The following GPR75 variants were observed in gnomAD, a reference collection of about 807,000 sequenced individuals.
GPR75 encodes the protein probable G protein-coupled receptor 75.
Under a neutral mutation model 26.0 loss-of-function variants are expected in GPR75, and 27 were observed. That is an observed-to-expected ratio of 1.04 (90% CI 0.77 to 1.43). The LOEUF is 1.43. GPR75 is among the 40% of genes most tolerant of loss of function. GPR75 has a pLI of 0.00. For synonymous variants in GPR75, 285 were observed against 256.3 expected, an observed-to-expected ratio of 1.11 and a Z score of -1.07; for missense variants, 699 against 662.3, an observed-to-expected ratio of 1.06 and a Z score of -0.61.
rs750224712 is a variant in GPR75 at position 53,853,157 on chromosome 2, G to T, written c.1600C>A (p.Gln534Lys). Residue 534 changes from glutamine to lysine, a missense_variant, in exon 2 of 2, where the codon CAG (glutamine) becomes AAG (lysine). Physicochemically the swap from Gln to Lys is moderately conservative, Grantham distance 53. Coordinates refer to ENST00000394705, the MANE Select transcript of GPR75 (RefSeq NM_006794.4). ...CTTTAAACGGAGGGGACTGGAATCTGCTTGGCTGAAGTGCTGTCATATTCC... is the reference window on the plus strand; with the variant it reads ...CTTTAAACGGAGGGGACTGGAATCTTCTTGGCTGAAGTGCTGTCATATTCC... ...VQEYDSTSAK[Q>K]IPVPSV The T allele has an allele frequency of 3.7e-6, 6 of 1,613,382 alleles. No homozygotes were observed. The highest frequency in any genetic ancestry group is 1.3e-5 in the African/African-American group (1 of 74,914).
At chr2:53,858,142 C>G (rs1045170103) in intron 1 of GPR75, among the ~76,000 whole-genome samples, 2 of 152,112 alleles carry the variant, frequency 1.3e-5, no homozygotes, top group African/African-American at 4.8e-5. Context: ...TAAGCAGTTG[C>G]TCTTCCACAC....
rs1330050081 is a variant in GPR75, at chr2:53,853,239, A to G, written c.1518T>C (p.Phe506=). ...SPCNLQPVNS[F]GFANSYIAMH... Reference sequence around the variant, plus strand: ...TGGCAATATATGAATTGGCAAATCCAAAAGAGTTTACTGGCTGTAAGTTAC... The same window carrying G: ...TGGCAATATATGAATTGGCAAATCCGAAAGAGTTTACTGGCTGTAAGTTAC... The change falls in exon 2 of 2, where the codon TTT becomes TTC. Residue 506 remains phenylalanine (F), a synonymous_variant. Transcript: ENST00000394705. The G allele has an allele frequency of 6.2e-7, 1 of 1,614,012 alleles. No individual in the cohort carries two copies. Among genetic ancestry groups the G allele is most frequent in the Non-Finnish European group, 8.5e-7 (1 of 1,179,984 alleles).
At position 53,854,412 on chromosome 2, in the gene GPR75, A is replaced by G; in HGVS notation, c.345T>C (p.Asp115=). The G allele has an allele frequency of 6.2e-7, 1 of 1,614,160 alleles. No individual in the cohort carries two copies. The highest frequency in any genetic ancestry group is 8.5e-7 in the Non-Finnish European group (1 of 1,179,998). The part of the protein sequence containing the change: ...LFFSSASSIP[D]AFCFTFHLTS... ...TGAGATGGAAAGTGAAGCAGAAAGC[A>G]TCCGGGATACTACTGGCTGAGCTGA... Residue 115 remains aspartate, a synonymous_variant, in exon 2 of 2, where the codon GAT becomes GAC. Transcript: ENST00000394705.
chr2:53,852,960 A>G lies in GPR75; in HGVS notation c.*174T>C, dbSNP rs777197769. On this transcript the variant is annotated 3_prime_UTR_variant, in exon 2 of 2. Coordinates refer to ENST00000394705, the MANE Select transcript of GPR75 (RefSeq NM_006794.4). Reference sequence around the variant, plus strand: ...TCACATCAAATCTTAAGATGTCAACAAACTACAAAGCAAATCAACAGATAC... The same window carrying G: ...TCACATCAAATCTTAAGATGTCAACGAACTACAAAGCAAATCAACAGATAC... 3.4e-5 allele frequency: 19 copies of G among 559,298 alleles called. No individual in the cohort carries two copies. Among genetic ancestry groups the G allele is most frequent in the Non-Finnish European group, 5.3e-5 (17 of 319,284 alleles). 34.6% of individuals were successfully genotyped at this position (559,298 alleles called of 1,614,324 possible). A position where few individuals can be genotyped will look rare whatever the true frequency, so the allele number is the denominator to read the frequency against.
intron 1 of GPR75, among the ~76,000 whole-genome samples, chr2:53,858,032 A>G (rs1007582195): frequency 6.6e-6 from 1 of 152,204 alleles, no homozygotes; most frequent in African/African-American, 2.4e-5. Flanking sequence ...TTGAGTCCTC[A>G]TAACAACCCT....
chr2:53,854,003 A>C lies in GPR75; in HGVS notation c.754T>G (p.Phe252Val). 2 of 1,614,140 alleles carry C rather than the reference A, an allele frequency of 1.2e-6. No homozygotes were observed. Among genetic ancestry groups the C allele is most frequent in the East Asian group, 4.5e-5 (2 of 44,878 alleles). Reference sequence around the variant, plus strand: ...CCTCCCTGCACAGGGACCCCCATGAAAGGCTGTGGTCTGGAAGCATCGACT... The same window carrying C: ...CCTCCCTGCACAGGGACCCCCATGACAGGCTGTGGTCTGGAAGCATCGACT... Reference protein sequence around the residue: ...ITVDASRPQPFMGVPVQGGGD... With the variant: ...ITVDASRPQPVMGVPVQGGGD... The change falls in exon 2 of 2, where the codon TTC becomes GTC. Residue 252 changes from phenylalanine (F) to valine (V), a missense_variant. Coordinates refer to ENST00000394705, the MANE Select transcript of GPR75 (RefSeq NM_006794.4).
rs1034025844 is a variant in GPR75, at chr2:53,859,874, A to G, written c.-156T>C. The G allele has an allele frequency of 6.5e-7, 1 of 1,528,976 alleles. No homozygotes were observed. The highest frequency in any genetic ancestry group is 8.7e-7 in the Non-Finnish European group (1 of 1,143,478). The allele number at this position is 1,528,976 out of a possible 1,614,324, so 94.7% of individuals were successfully genotyped here. On this transcript the variant is annotated 5_prime_UTR_variant, in exon 1 of 2. Transcript: ENST00000394705. The stretch of plus-strand genomic sequence containing the variant: ...GCCCCTCCTCCATCTCGCAGTCCGG[A>G]CCCCAGCTCCGCCTGCCGCTCTGGA...
chr2:53,859,771 G>C (rs570654028), intron 1 of GPR75, 57 bp downstream of exon 1: 9 of 1,366,904 alleles, frequency 6.6e-6, no homozygotes. Context: ...GCCAGCCTCC[G>C]GGAGCCGTCT....
chr2:53,854,662 C>A lies in GPR75; in HGVS notation c.95G>T (p.Gly32Val). 1.2e-6 allele frequency: 2 copies of A among 1,613,950 alleles called. No individual in the cohort carries two copies. Among genetic ancestry groups the A allele is most frequent in the South Asian group, 1.1e-5 (1 of 91,074 alleles). Residue 32 changes from glycine to valine, a missense_variant, in exon 2 of 2, where the codon GGT (glycine) becomes GTT (valine). Physicochemically the swap from Gly to Val is moderately radical, Grantham distance 109. Coordinates refer to ENST00000394705, the MANE Select transcript of GPR75 (RefSeq NM_006794.4). ...QEGNSTSLQEGLQDLIHTATL... is the reference protein window; with the variant it reads ...QEGNSTSLQEVLQDLIHTATL... ...GGCTGTGTGGATGAGATCCTGAAGA[C>A]CCTCCTGGAGAGAGGTGCTGTTTCC...
intron 1 of GPR75, among the ~76,000 whole-genome samples, chr2:53,856,480 G>A (rs1402079969): frequency 4.6e-5 from 7 of 152,222 alleles, no homozygotes; most frequent in African/African-American, 1.4e-4. Context: ...GAAGCCTCCA[G>A]CTGTTAACCC....
At position 53,854,073 on chromosome 2, in the gene GPR75, G is replaced by A. The variant is rs192894743; in HGVS notation, c.684C>T (p.Thr228=). The change falls in exon 2 of 2, where the codon ACC becomes ACT. Residue 228 remains threonine, a synonymous_variant. Coordinates refer to ENST00000394705, the MANE Select transcript of GPR75 (RefSeq NM_006794.4). ...VSVSYIMIAQ[T]LRKNAQVRKC... is the part of the protein sequence containing the mutation. Reference sequence around the variant, plus strand: ...TTCTGACTTGAGCGTTCTTCCGCAGGGTCTGAGCAATCATGATGTAAGAGA... The same window carrying A: ...TTCTGACTTGAGCGTTCTTCCGCAGAGTCTGAGCAATCATGATGTAAGAGA... 1 of 1,614,148 alleles carries A rather than the reference G, an allele frequency of 6.2e-7. No homozygotes were observed. The highest frequency in any genetic ancestry group is 1.3e-5 in the African/African-American group (1 of 75,034).
chr2:53,854,425 C>G lies in GPR75; in HGVS notation c.332G>C (p.Ser111Thr). The G allele has an allele frequency of 6.2e-7, 1 of 1,614,112 alleles. No homozygotes were observed. The highest frequency in any genetic ancestry group is 1.1e-5 in the South Asian group (1 of 91,074). ...FTFVLFFSSA[S>T]SIPDAFCFTF... ...GAAGCAGAAAGCATCCGGGATACTA[C>G]TGGCTGAGCTGAAGAATAACACAAA... Residue 111 changes from serine (S) to threonine (T), a missense_variant, in exon 2 of 2, where the codon AGT (serine) becomes ACT (threonine). Coordinates refer to ENST00000394705, the MANE Select transcript of GPR75 (RefSeq NM_006794.4).
At chr2:53,858,193 T>C (rs1448672995) in intron 1 of GPR75, among the ~76,000 whole-genome samples, 2 of 152,144 alleles carry the variant, frequency 1.3e-5, no homozygotes, top group African/African-American at 2.4e-5. Flanking sequence ...AAAAACCTTT[T>C]TGGGAGGCAT....
intron 1 of GPR75, among the ~76,000 whole-genome samples, chr2:53,856,946 A>ATTTTTTTTTTTTTTTTTTT (rs10665107): frequency 1.3e-5 from 1 of 78,928 alleles, no homozygotes; most frequent in African/African-American, 5.0e-5. Flanking sequence ...GAGAAAGACA[A>ATTTTTTTTTTTTTTTTTTT]TTTTTTTTTT....
At chr2:53,859,784 G>C in intron 1 of GPR75, 44 bp downstream of exon 1, 2 of 1,447,430 alleles carry the variant, frequency 1.4e-6, no homozygotes, top group Non-Finnish European at 1.9e-6. Flanking sequence ...AGCCGTCTCC[G>C]GCATCGTGGG....
rs1318773124 is a variant in GPR75 at position 53,857,003 on chromosome 2, C to T, written c.-109-2138G>A. 3.0e-4 allele frequency among the ~76,000 whole-genome samples: 35 copies of T among 118,084 alleles called. No individual in the cohort carries two copies. The East Asian group carries it at 3.6e-3, about 12-fold the overall frequency. 77.5% of individuals were successfully genotyped at this position (118,084 alleles called of 152,430 possible). A position where few individuals can be genotyped will look rare whatever the true frequency, so the allele number is the denominator to read the frequency against. On this transcript the variant is annotated intron_variant, in intron 1 of 1. Transcript: ENST00000394705. ...ACGGAGTCTCGCTCTGTCGCCCAGG[C>T]GGGACTGCGGACTGCAGTGGCGCAA...
intron 1 of GPR75, among the ~76,000 whole-genome samples, chr2:53,857,896 A>T (rs1678274265): frequency 6.6e-6 from 1 of 152,166 alleles, no homozygotes; most frequent in African/African-American, 2.4e-5. Context: ...ATTAAAAAAA[A>T]TAAGAATTCC....
chr2:53,853,936 T>C lies in GPR75; in HGVS notation c.821A>G (p.Asn274Ser). ...GTGCTGCAGTTTGTTGTAATTCTGG[T>C]TCCTATACAGAGCCGGCATGGCACA... ...IQCAMPALYR[N>S]QNYNKLQHVQ... Residue 274 changes from asparagine (N) to serine (S), a missense_variant, in exon 2 of 2, where the codon AAC (asparagine) becomes AGC (serine). Coordinates refer to ENST00000394705, the MANE Select transcript of GPR75 (RefSeq NM_006794.4). The C allele has an allele frequency of 6.2e-7, 1 of 1,613,940 alleles. No homozygotes were observed. The highest frequency in any genetic ancestry group is 8.5e-7 in the Non-Finnish European group (1 of 1,179,962).
At chr2:53,856,531 G>GGAT (rs1281590014) in intron 1 of GPR75, among the ~76,000 whole-genome samples, 2 of 152,160 alleles carry the variant, frequency 1.3e-5, no homozygotes, top group Non-Finnish European at 2.9e-5. Flanking sequence ...AATGAACCAG[G>GGAT]TCAGTCAGGG....
Sources: allele counts gnomAD v4.1 joint callset (sites outside exome capture counted in the v4.1 genomes callset), GRCh38; gene constraint gnomAD v4.1.1; transcripts MANE v1.5; gene names NCBI Gene and HGNC (gene_info 2026-07-23, HGNC 2026-07-21).